KALRN: variants seen among roughly 807,000 people sequenced by gnomAD.
The protein encoded by KALRN is kalirin RhoGEF kinase, also known as kalirin.
Under a neutral mutation model 353.7 loss-of-function variants are expected in KALRN, and 70 were observed. That is an observed-to-expected ratio of 0.20 (90% CI 0.16 to 0.24). KALRN has a LOEUF of 0.24. KALRN is among the 10% of genes least tolerant of loss of function. The pLI is 1.00. For missense variants in KALRN, 2,791 were observed against 3,756.7 expected (o/e 0.74, Z 6.72); for synonymous variants, 1,391 against 1,434.8 (o/e 0.97, Z 0.69).
chr3:124,154,938 C>T (rs1180013763), intron 1 of KALRN, among the ~76,000 whole-genome samples: 9 of 152,150 alleles, frequency 5.9e-5, no homozygotes, highest in South Asian at 2.1e-4. Flanking sequence ...ACAGAACAGA[C>T]GTCAGAAATA....
rs1553934400 is a variant in KALRN, at chr3:124,372,906, C to CGTTTTCAATGGTAGATTAGT, written c.1771-11938_1771-11937insTTTTCAATGGTAGATTAGTG. On this transcript the variant is annotated intron_variant, in intron 10 of 59. Transcript: ENST00000682506. ...GCTTTGAGCCCTTCCCTTGGATGAG[C>CGTTTTCAATGGTAGATTAGT]GGTTTCAATGGTAGATGAGTGGCTA... Among the ~76,000 whole-genome samples the CGTTTTCAATGGTAGATTAGT allele has an allele frequency of 7.2e-5, 11 of 151,906 alleles. No homozygotes were observed. In the East Asian group the frequency reaches 2.1e-3, roughly 30 times the overall value.
intron 25 of KALRN, among the ~76,000 whole-genome samples, chr3:124,472,898 A>G (rs1052353531): frequency 1.3e-5 from 2 of 152,200 alleles, no homozygotes; most frequent in African/African-American, 4.8e-5. Flanking sequence ...TCAGGTCAGA[A>G]TACTCTAAAA....
chr3:124,698,360 G>T (rs1264418400), intron 55 of KALRN, among the ~76,000 whole-genome samples: 1 of 152,236 alleles, frequency 6.6e-6, no homozygotes, highest in African/African-American at 2.4e-5. Context: ...TCTTTCAGAA[G>T]TTGTTCCTTG....
intron 3 of KALRN, among the ~76,000 whole-genome samples, chr3:124,237,368 T>G (rs1031601917): frequency 6.8e-6 from 1 of 147,616 alleles, no homozygotes; most frequent in African/African-American, 2.5e-5. Context: ...ATTTGATGCT[T>G]TTTTTTTTTT....
chr3:124,419,428 G>C (rs1040818154), intron 14 of KALRN, among the ~76,000 whole-genome samples: 14 of 151,730 alleles, frequency 9.2e-5, no homozygotes, highest in Non-Finnish European at 1.5e-5. Flanking sequence ...GCTCAGAGAG[G>C]GTAAGAAGCC....
chr3:124,048,848 C>T (rs990082504), intron 1 of KALRN, among the ~76,000 whole-genome samples: 2 of 152,182 alleles, frequency 1.3e-5, no homozygotes, highest in African/African-American at 4.8e-5. Flanking sequence ...TTAAACCATT[C>T]TCCTAATGAT....
rs73188170 is a variant in KALRN, at chr3:124,257,338, T to C, written c.264-7160T>C. Among the ~76,000 whole-genome samples the C allele has an allele frequency of 8.8e-3, 1,347 of 152,326 alleles. 8 individuals carry two copies. Among genetic ancestry groups the C allele is most frequent in the Non-Finnish European group, 0.015 (1,024 of 68,030 alleles). On this transcript the variant is annotated intron_variant, in intron 3 of 59. Transcript: ENST00000682506. ...GAGCTTTATCCCAGACCAACATTCA[T>C]CAGAATATCTGGAAGGCTTCCCCCA...
At chr3:124,092,546 C>T (rs2061179724) in intron 1 of KALRN, among the ~76,000 whole-genome samples, 1 of 152,236 alleles carries the variant, frequency 6.6e-6, no homozygotes, top group Non-Finnish European at 1.5e-5. Flanking sequence ...CATGTCAGCA[C>T]TGCCCTGGAG....
At chr3:124,079,636 G>A (rs1246841695) in intron 1 of KALRN, among the ~76,000 whole-genome samples, 1 of 152,168 alleles carries the variant, frequency 6.6e-6, no homozygotes, top group Non-Finnish European at 1.5e-5. Context: ...ACATAGAGTT[G>A]TTGGAGATAT....
At chr3:124,604,284 A>G (rs1331641493) in intron 34 of KALRN, among the ~76,000 whole-genome samples, 5 of 152,166 alleles carry the variant, frequency 3.3e-5, no homozygotes, top group African/African-American at 7.2e-5. Flanking sequence ...ATATCTCCCA[A>G]TGCTTTCATG....
chr3:124,583,952 G>A (rs1386636987), intron 34 of KALRN, among the ~76,000 whole-genome samples: 2 of 152,172 alleles, frequency 1.3e-5, no homozygotes, highest in African/African-American at 4.8e-5. Flanking sequence ...TTGAGCCCAG[G>A]AGTTCAAGAC....
At chr3:124,504,179 T>A (rs895115198) in intron 33 of KALRN, among the ~76,000 whole-genome samples, 4 of 152,046 alleles carry the variant, frequency 2.6e-5, no homozygotes, top group Non-Finnish European at 5.9e-5. Flanking sequence ...GATCTATAGG[T>A]GATAGCTGCA....
chr3:124,497,522 C>T (rs2063998332), intron 33 of KALRN, among the ~76,000 whole-genome samples: 1 of 152,138 alleles, frequency 6.6e-6, no homozygotes, highest in Non-Finnish European at 1.5e-5. Context: ...ATTATGGTGC[C>T]AAATCACCCT....
chr3:124,531,924 A>G (rs552914808), intron 33 of KALRN, among the ~76,000 whole-genome samples: 79 of 152,330 alleles, frequency 5.2e-4, no homozygotes, highest in African/African-American at 1.7e-3. Flanking sequence ...GCTAACGTCA[A>G]TGTTTAAAGT....
At chr3:124,391,190 A>G (rs1430312918) in intron 11 of KALRN, among the ~76,000 whole-genome samples, 1 of 150,326 alleles carries the variant, frequency 6.7e-6, no homozygotes. Context: ...AAGAAGGGTC[A>G]TAGTATACAT....
intron 34 of KALRN, among the ~76,000 whole-genome samples, chr3:124,618,675 A>G (rs2078930794): frequency 6.6e-6 from 1 of 152,196 alleles, no homozygotes; most frequent in Non-Finnish European, 1.5e-5. Context: ...GGCCTAAGAC[A>G]TACCATGGAC....
chr3:124,319,387 A>G (rs2079098152), intron 6 of KALRN, among the ~76,000 whole-genome samples: 1 of 151,374 alleles, frequency 6.6e-6, no homozygotes, highest in Non-Finnish European at 1.5e-5. Context: ...GGAAGAAAGA[A>G]ACTAGAAACC....
intron 33 of KALRN, among the ~76,000 whole-genome samples, chr3:124,512,996 G>A (rs1429669634): frequency 6.6e-6 from 1 of 152,164 alleles, no homozygotes; most frequent in Non-Finnish European, 1.5e-5. Flanking sequence ...GGACGAGCAG[G>A]TGCCTAGCAG....
chr3:124,278,089 A>G (rs1407402093), intron 5 of KALRN, among the ~76,000 whole-genome samples: 1 of 151,508 alleles, frequency 6.6e-6, no homozygotes, highest in Non-Finnish European at 1.5e-5. Context: ...TTGAGTGTCT[A>G]CTGTGTGACA....
Sources: allele counts gnomAD v4.1 joint callset (sites outside exome capture counted in the v4.1 genomes callset), GRCh38; gene constraint gnomAD v4.1.1; transcripts MANE v1.5; gene names NCBI Gene and HGNC (gene_info 2026-07-23, HGNC 2026-07-21).